Variants in MIA2 observed in about 807,000 individuals in gnomAD.
MIA2 encodes MIA SH3 domain ER export factor 2, also known as melanoma inhibitory activity protein 2.
MIA2 carries 127 observed loss-of-function variants against 167.8 expected under a neutral mutation model. That is an observed-to-expected ratio of 0.76 (90% CI 0.66 to 0.88). The LOEUF (loss-of-function observed/expected upper bound fraction) is 0.88. MIA2 is among the 40% of genes least tolerant of loss of function. MIA2 has a pLI of 0.00. For synonymous variants in MIA2, 552 were observed against 541.9 expected, an observed-to-expected ratio of 1.02 and a Z score of -0.26; for missense variants, 1,690 against 1,624.7, an observed-to-expected ratio of 1.04 and a Z score of -0.69.
chr14:39,246,082 T>TTTTTATTTA (rs1555343286), intron 3 of MIA2, among the ~76,000 whole-genome samples: 8 of 143,368 alleles, frequency 5.6e-5, no homozygotes, highest in African/African-American at 2.1e-4. Flanking sequence ...TTTTAAAAAT[T>TTTTTATTTA]TTTATTTATT....
At chr14:39,379,803 T>TCA (rs1229125622) in intron 23 of MIA2, among the ~76,000 whole-genome samples, 1 of 152,008 alleles carries the variant, frequency 6.6e-6, no homozygotes, top group Non-Finnish European at 1.5e-5. Flanking sequence ...GTAAGCCAAG[T>TCA]CACACCACTG....
chr14:39,358,963 C>T (rs1245276530), intron 23 of MIA2, among the ~76,000 whole-genome samples: 2 of 152,256 alleles, frequency 1.3e-5, no homozygotes, highest in South Asian at 2.1e-4. Context: ...TCTGCCCCTA[C>T]TGGGGGATGC....
chr14:39,325,502 G>T (rs1489489011), intron 24 of MIA2, among the ~76,000 whole-genome samples: 2 of 148,258 alleles, frequency 1.3e-5, no homozygotes, highest in African/African-American at 5.0e-5. Flanking sequence ...TGAGTAGCTG[G>T]GACTACAGGC....
chr14:39,293,165 A>T (rs8018990), intron 10 of MIA2, 106 bp from the exon 11 acceptor site: 17 of 795,602 alleles, frequency 2.1e-5, no homozygotes, highest in Non-Finnish European at 3.4e-5. Context: ...GCAAATGTAT[A>T]AATGAAAGTT....
Position 39,288,779 on chromosome 14 carries a change from G to A in MIA2, c.2131-2240G>A, listed in dbSNP as rs149705176. 6.9e-3 allele frequency among the ~76,000 whole-genome samples: 1,043 copies of A among 151,784 alleles called. 12 individuals carry two copies. The highest frequency in any genetic ancestry group is 0.055 in the South Asian group (264 of 4,812). ...CCGGCCAATTTGCATATATTAAACC[G>A]GCTTTGCATGCCAGGGATAAATACC... On this transcript the variant is annotated intron_variant, in intron 9 of 28. Coordinates refer to ENST00000640607, the MANE Select transcript of MIA2 (RefSeq NM_001329214.4).
intron 6 of MIA2, chr14:39,266,515 C>T (rs1348265085): frequency 1.8e-5 from 18 of 985,374 alleles, no homozygotes; most frequent in Non-Finnish European, 2.2e-5. Flanking sequence ...TAACAAGTGC[C>T]CAGGTGACTC....
At position 39,276,941 on chromosome 14, in the gene MIA2, C is replaced by T. The variant is rs1464471085; in HGVS notation, c.1895C>T (p.Ala632Val). The T allele has an allele frequency of 1.2e-6, 2 of 1,612,162 alleles. No individual in the cohort carries two copies. The highest frequency in any genetic ancestry group is 1.7e-5 in the Admixed American group (1 of 59,272). Residue 632 changes from alanine (A) to valine (V), a missense_variant, in exon 7 of 29, where the codon GCA becomes GTA. Coordinates refer to ENST00000640607, the MANE Select transcript of MIA2 (RefSeq NM_001329214.4). The stretch of plus-strand genomic sequence containing the variant: ...CTTTTCTTTATCTTGAAGGTTGTGG[C>T]AGCACTGCCTGAAGGTATGAGACCA... ...PIVILTERVV[A>V]ALPEGMRPDS...
At chr14:39,244,635 G>A (rs957426111) in intron 3 of MIA2, among the ~76,000 whole-genome samples, 10 of 151,754 alleles carry the variant, frequency 6.6e-5, no homozygotes, top group African/African-American at 9.7e-5. Context: ...AGCACACATC[G>A]CTATTTCTAA....
Position 39,288,466 on chromosome 14 carries a change from TA to T in MIA2, c.2131-2552del, listed in dbSNP as rs1262330981. Reference sequence around the variant, plus strand: ...ATATATATATATATATATATATATATATATATATATTTTTTTTTTTTTTTTT... The same window carrying T: ...ATATATATATATATATATATATATATTATATATATTTTTTTTTTTTTTTTT... On this transcript the variant is annotated intron_variant, in intron 9 of 28. Transcript: ENST00000640607. Among the ~76,000 whole-genome samples the T allele has an allele frequency of 8.1e-3, 307 of 37,718 alleles. 10 individuals carry two copies. Among genetic ancestry groups the T allele is most frequent in the African/African-American group, 0.04 (278 of 7,030 alleles). The allele number at this position is 37,718 out of a possible 152,430, so 24.7% of individuals were successfully genotyped here.
At chr14:39,347,472 C>T in intron 26 of MIA2, 1 of 490,044 alleles carries the variant, frequency 2.0e-6, no homozygotes, top group Non-Finnish European at 3.6e-6. Context: ...CATTCTGCTC[C>T]AGCAGGATTG....
At chr14:39,272,755 C>T (rs952218735) in intron 6 of MIA2, among the ~76,000 whole-genome samples, 10 of 152,138 alleles carry the variant, frequency 6.6e-5, no homozygotes, top group Admixed American at 2.6e-4. Flanking sequence ...AGACTCAGTC[C>T]CTGTTTCAAA....
At chr14:39,333,272 G>C (rs1280070141) in intron 25 of MIA2, among the ~76,000 whole-genome samples, 1 of 151,950 alleles carries the variant, frequency 6.6e-6, no homozygotes, top group Non-Finnish European at 1.5e-5. Context: ...ATTCCTCTAA[G>C]AGTGTTACTG....
At chr14:39,245,240 G>T (rs373187927) in intron 3 of MIA2, among the ~76,000 whole-genome samples, 1 of 151,996 alleles carries the variant, frequency 6.6e-6, no homozygotes, top group Admixed American at 6.6e-5. Context: ...TGTGTCCAGC[G>T]TTTTGGTGCA....
chr14:39,386,875 C>T (rs2075280396), intron 23 of MIA2: 1 of 841,692 alleles, frequency 1.2e-6, no homozygotes, highest in Non-Finnish European at 2.1e-6. Context: ...CGGTCGTTCT[C>T]TCTCACCAGG....
At chr14:39,235,444 A>AATGTAATATATAGAGAAGTTT (rs2053692059) in intron 1 of MIA2, among the ~76,000 whole-genome samples, 1 of 152,168 alleles carries the variant, frequency 6.6e-6, no homozygotes, top group Non-Finnish European at 1.5e-5. Flanking sequence ...TTGGACATAT[A>AATGTAATATATAGAGAAGTTT]ATGTAATATA....
chr14:39,302,102 T>C (rs1468021754), intron 14 of MIA2, 27 bp from the exon 15 acceptor site: 2 of 1,608,806 alleles, frequency 1.2e-6, no homozygotes, highest in South Asian at 2.2e-5. Context: ...TTACCCTCTC[T>C]ATTTTTCCCC....
At chr14:39,385,414 C>T in intron 23 of MIA2, 5 of 1,313,544 alleles carry the variant, frequency 3.8e-6, no homozygotes, top group Non-Finnish European at 5.5e-6. Flanking sequence ...AGGTTCTGTA[C>T]TTGATGTGTT....
chr14:39,382,932 CAT>C (rs1273789184), intron 23 of MIA2, among the ~76,000 whole-genome samples: 1 of 139,896 alleles, frequency 7.1e-6, no homozygotes, highest in African/African-American at 2.6e-5. Context: ...AGCTTTTAGA[CAT>C]ATATCTGCTA....
intron 6 of MIA2, chr14:39,265,923 T>A (rs118132193): frequency 1.0e-6 from 1 of 965,504 alleles, no homozygotes; most frequent in East Asian, 1.1e-4. Flanking sequence ...CAATTTTGGC[T>A]ACTCTGATAT....
Sources: allele counts gnomAD v4.1 joint callset (sites outside exome capture counted in the v4.1 genomes callset), GRCh38; gene constraint gnomAD v4.1.1; transcripts MANE v1.5; gene names NCBI Gene and HGNC (gene_info 2026-07-23, HGNC 2026-07-21).